The following LARP4B variants were observed in gnomAD, a reference collection of about 807,000 sequenced individuals.
LARP4B encodes La ribonucleoprotein 4B, also known as la-related protein 4B.
In LARP4B, 12 loss-of-function variants were observed where a neutral mutation model predicts 89.8. The ratio of observed to expected loss-of-function variants is 0.13; its 90% CI spans 0.09 to 0.22. The LOEUF is 0.22. Ranked by LOEUF, LARP4B falls within the 10% of genes least tolerant of loss-of-function variation. LARP4B has a pLI of 1.00. For missense variants in LARP4B, 757 were observed against 947.7 expected (o/e 0.80, Z 2.64); for synonymous variants, 367 against 363.3 (o/e 1.01, Z -0.12).
the LARP4B span, among the ~76,000 whole-genome samples, chr10:950,277 A>G: frequency 6.6e-6 from 1 of 152,104 alleles, no homozygotes; most frequent in Non-Finnish European, 1.5e-5. Context: ...TTCCTTTTAT[A>G]TATTGTGATG....
the LARP4B span, chr10:942,346 G>C: frequency 6.6e-6 from 1 of 152,316 alleles, no homozygotes; most frequent in African/African-American, 2.4e-5. Context: ...CCAGGATCCC[G>C]ATCCCTCACT....
At chr10:902,945 A>G (rs1836385424) in intron 1 of LARP4B, among the ~76,000 whole-genome samples, 1 of 152,194 alleles carries the variant, frequency 6.6e-6, no homozygotes, top group Admixed American at 6.5e-5. Flanking sequence ...GCCTGGCATA[A>G]AATCTTTTTA....
intron 2 of LARP4B, 92 bp downstream of exon 2, chr10:885,549 G>A (rs1835829844): frequency 3.7e-6 from 3 of 818,158 alleles, no homozygotes; most frequent in South Asian, 1.8e-5. Flanking sequence ...ATGTGCCAGT[G>A]TTCCTGTTTA....
rs1831710215 is a variant in LARP4B at position 810,639 on chromosome 10, G to A, written c.*2287C>T. The A allele has an allele frequency of 6.6e-6, 1 of 152,282 alleles. No individual in the cohort carries two copies. Among genetic ancestry groups the A allele is most frequent in the African/African-American group, 2.4e-5 (1 of 41,474 alleles). 9.4% of individuals were successfully genotyped at this position (152,282 alleles called of 1,614,324 possible). On this transcript the variant is annotated 3_prime_UTR_variant, in exon 18 of 18. Transcript: ENST00000316157. ...ATTAAAAACCAAGGACTCACTGGCG[G>A]ACGGGCAGGCCTTGTGTTTTGGGAA...
At chr10:963,273 C>A in the LARP4B span, among the ~76,000 whole-genome samples, 1 of 152,182 alleles carries the variant, frequency 6.6e-6, no homozygotes, top group South Asian at 2.1e-4. Context: ...TCCAGAGACA[C>A]CCTGACTTCA....
At chr10:935,722 C>CTTTTTTTTTTTTTTTTTTTT (rs10711022), upstream of LARP4B, among the ~76,000 whole-genome samples, 1 of 83,916 alleles carries the variant, frequency 1.2e-5, no homozygotes, top group African/African-American at 4.4e-5. Flanking sequence ...CTTTTCTTTT[C>CTTTTTTTTTTTTTTTTTTTT]TTTTTTTTTT....
At chr10:841,024 A>G (rs538985955) in intron 7 of LARP4B, among the ~76,000 whole-genome samples, 1 of 152,302 alleles carries the variant, frequency 6.6e-6, no homozygotes, top group East Asian at 1.9e-4. Context: ...GTGGTGGTGC[A>G]CGCTTGTAAT....
intron 5 of LARP4B, among the ~76,000 whole-genome samples, chr10:853,414 T>G (rs149730391): frequency 1.8e-4 from 28 of 152,268 alleles, no homozygotes; most frequent in African/African-American, 6.0e-4. Flanking sequence ...CTGGGCATGC[T>G]GGCTCAGGCC....
the LARP4B span, among the ~76,000 whole-genome samples, chr10:950,673 C>A: frequency 6.6e-6 from 1 of 152,146 alleles, no homozygotes; most frequent in Non-Finnish European, 1.5e-5. Flanking sequence ...TGATTTCTTT[C>A]ACTGGCATTT....
chr10:912,740 A>T (rs377402279), intron 1 of LARP4B, among the ~76,000 whole-genome samples: 3 of 151,852 alleles, frequency 2.0e-5, no homozygotes, highest in African/African-American at 7.3e-5. Context: ...AAAAAAAAAA[A>T]TTAGCGGGGC....
In LARP4B at chr10:844,985, G is replaced by A; in HGVS notation, c.501C>T (p.Cys167=). The A allele has an allele frequency of 6.2e-7, 1 of 1,610,880 alleles. No homozygotes were observed. The highest frequency in any genetic ancestry group is 8.5e-7 in the Non-Finnish European group (1 of 1,179,044). Residue 167 remains cysteine, a synonymous_variant, in exon 6 of 18, where the codon TGC becomes TGT. Transcript: ENST00000316157. ...ACCACCACCAGCCTTACCTAGATAA[G>A]CAGAATTCCAATGTTTTTTTAAGTA... ...REVLKKTLEF[C]LSRENLASDM... is the part of the protein sequence containing the mutation.
chr10:916,177 T>C (rs1836816424), intron 1 of LARP4B, among the ~76,000 whole-genome samples: 5 of 152,152 alleles, frequency 3.3e-5, no homozygotes, highest in Admixed American at 3.3e-4. Flanking sequence ...TGTCTTGATA[T>C]GTCAGACATA....
At chr10:847,159 G>A (rs933945549) in intron 5 of LARP4B, among the ~76,000 whole-genome samples, 2 of 152,152 alleles carry the variant, frequency 1.3e-5, no homozygotes, top group South Asian at 4.1e-4. Flanking sequence ...GCAGACAGCT[G>A]AAGTGTTCTA....
At chr10:932,292 C>G (rs1830658597), upstream of LARP4B, among the ~76,000 whole-genome samples, 1 of 148,942 alleles carries the variant, frequency 6.7e-6, no homozygotes, top group African/African-American at 2.5e-5. Context: ...AAGGTCCCGG[C>G]CCTGCCCGGA....
the LARP4B span, among the ~76,000 whole-genome samples, chr10:937,900 T>G: frequency 6.6e-6 from 1 of 152,118 alleles, no homozygotes; most frequent in Non-Finnish European, 1.5e-5. Context: ...ATTTATTTAT[T>G]TTGAGACGGA....
chr10:958,279 C>G, the LARP4B span, among the ~76,000 whole-genome samples: 1 of 152,214 alleles, frequency 6.6e-6, no homozygotes, highest in Non-Finnish European at 1.5e-5. Flanking sequence ...AAACCTGCCT[C>G]TTCTGGGACC....
chr10:809,432 T>C (rs1831659994), downstream of LARP4B: 3 of 152,210 alleles, frequency 2.0e-5, no homozygotes, highest in Non-Finnish European at 2.9e-5. Flanking sequence ...TCCAATCATA[T>C]ATGAGGCCCG....
chr10:939,389 G>C, the LARP4B span, among the ~76,000 whole-genome samples: 5 of 152,204 alleles, frequency 3.3e-5, no homozygotes, highest in African/African-American at 1.2e-4. Flanking sequence ...GAGAAACTCT[G>C]CTGTGATGTA....
At chr10:973,051 C>A in the LARP4B span, 1 of 370,330 alleles carries the variant, frequency 2.7e-6, no homozygotes. Flanking sequence ...GGCAAGCACC[C>A]ACTCAGTGCC....
Sources: gnomAD v4.1 joint callset for allele counts (sites outside exome capture counted in the v4.1 genomes callset) on GRCh38, gnomAD v4.1.1 for gene constraint, MANE v1.5 for transcripts, NCBI Gene and HGNC (gene_info 2026-07-23, HGNC 2026-07-21) for gene names.